ERBB4: variants seen among roughly 807,000 people sequenced by gnomAD.
ERBB4 encodes the protein erb-b2 receptor tyrosine kinase 4, also known as receptor tyrosine-protein kinase erbB-4.
A neutral mutation model predicts 158.0 loss-of-function variants in ERBB4; 42 were observed. The ratio of observed to expected loss-of-function variants is 0.27; its 90% CI spans 0.21 to 0.34. The LOEUF is 0.34. Ranked by LOEUF, ERBB4 falls within the 10% of genes least tolerant of loss-of-function variation. ERBB4 has a pLI of 1.00. For missense variants in ERBB4, 1,333 were observed against 1,624.1 expected (o/e 0.82, Z 3.08); for synonymous variants, 583 against 558.7 (o/e 1.04, Z -0.61).
In ERBB4 at chr2:211,423,982, G is replaced by T. The variant is rs141723041; in HGVS notation, c.2866+173C>A. Among the ~76,000 whole-genome samples the T allele has an allele frequency of 9.9e-5, 15 of 152,046 alleles. No individual in the cohort carries two copies. In the East Asian group the frequency reaches 2.9e-3, roughly 29 times the overall value. ...AATTTTGACTTCATAGCATGGAAGA[G>T]TATTACTTTATATTAATAATAGTCA... On this transcript the variant is annotated intron_variant, in intron 23 of 27. Transcript: ENST00000342788.
At chr2:212,250,894 T>C (rs1459272391) in intron 1 of ERBB4, among the ~76,000 whole-genome samples, 1 of 151,962 alleles carries the variant, frequency 6.6e-6, no homozygotes, top group African/African-American at 2.4e-5. Flanking sequence ...TAAATACTAC[T>C]AACACAGTTA....
intron 1 of ERBB4, among the ~76,000 whole-genome samples, chr2:212,248,641 G>A (rs1161873851): frequency 1.3e-5 from 2 of 152,116 alleles, no homozygotes; most frequent in East Asian, 1.9e-4. Context: ...CACGTTAAGA[G>A]AAAATTTAAG....
intron 18 of ERBB4, among the ~76,000 whole-genome samples, chr2:211,622,119 A>G (rs1187271860): frequency 6.6e-6 from 1 of 152,224 alleles, no homozygotes; most frequent in Non-Finnish European, 1.5e-5. Flanking sequence ...TTAGGACTCT[A>G]CATTTATTAT....
At chr2:212,017,271 G>A (rs1032861019) in intron 2 of ERBB4, among the ~76,000 whole-genome samples, 34 of 152,166 alleles carry the variant, frequency 2.2e-4, no homozygotes, top group African/African-American at 8.2e-4. Flanking sequence ...GTATAGAGAA[G>A]AGTAAAAAAG....
intron 1 of ERBB4, among the ~76,000 whole-genome samples, chr2:212,169,665 A>C (rs971853180): frequency 2.0e-5 from 3 of 152,148 alleles, no homozygotes; most frequent in Admixed American, 6.6e-5. Flanking sequence ...CTCAAATTGT[A>C]ATCTCCATAA....
chr2:211,959,625 A>G (rs767816066), intron 2 of ERBB4, among the ~76,000 whole-genome samples: 26 of 152,116 alleles, frequency 1.7e-4, no homozygotes, highest in Non-Finnish European at 3.4e-4. Flanking sequence ...TCCCCTCTAT[A>G]GGAATTTTAC....
chr2:211,571,711 C>T (rs1251398836), intron 19 of ERBB4, among the ~76,000 whole-genome samples: 1 of 152,066 alleles, frequency 6.6e-6, no homozygotes, highest in Non-Finnish European at 1.5e-5. Flanking sequence ...TGGTTTATCA[C>T]CAAATCCTTG....
At chr2:211,555,476 C>T (rs1438669847) in intron 20 of ERBB4, among the ~76,000 whole-genome samples, 3 of 152,302 alleles carry the variant, frequency 2.0e-5, no homozygotes, top group Middle Eastern at 3.4e-3. Context: ...TGAGCCACTA[C>T]GCCCAGCCTA....
At chr2:211,998,354 T>C (rs1272018163) in intron 2 of ERBB4, among the ~76,000 whole-genome samples, 3 of 151,880 alleles carry the variant, frequency 2.0e-5, no homozygotes, top group East Asian at 3.9e-4. Flanking sequence ...CTATTGAGTG[T>C]GATGTGTTAT....
Position 211,380,727 on chromosome 2 carries a change from T to C in ERBB4, c.*2888A>G, listed in dbSNP as rs2062560720. The C allele has an allele frequency of 4.3e-6, 1 of 231,954 alleles. No homozygotes were observed. Among genetic ancestry groups the C allele is most frequent in the African/African-American group, 2.2e-5 (1 of 45,296 alleles). The allele number at this position is 231,954 out of a possible 1,614,324, so 14.4% of individuals were successfully genotyped here. On this transcript the variant is annotated 3_prime_UTR_variant, in exon 28 of 28. Transcript: ENST00000342788. Reference sequence around the variant, plus strand: ...AAAGAATTATAAAGTGGTGCTATTATAAAGCATTTGGGTCATTTTGGATTA... The same window carrying C: ...AAAGAATTATAAAGTGGTGCTATTACAAAGCATTTGGGTCATTTTGGATTA...
At chr2:211,989,624 T>G (rs1575480398) in intron 2 of ERBB4, among the ~76,000 whole-genome samples, 2 of 151,956 alleles carry the variant, frequency 1.3e-5, no homozygotes, top group African/African-American at 4.8e-5. Flanking sequence ...ATTTCAAGTA[T>G]GCACTATTAG....
intron 4 of ERBB4, among the ~76,000 whole-genome samples, chr2:211,772,918 CACACACATATATAT>C (rs1235945769): frequency 1.3e-4 from 6 of 46,810 alleles, no homozygotes; most frequent in Admixed American, 2.1e-4. Context: ...TACACACACA[CACACACATATATAT>C]ATATATATAT....
At chr2:211,608,239 G>A (rs1344819572) in intron 19 of ERBB4, among the ~76,000 whole-genome samples, 1 of 152,076 alleles carries the variant, frequency 6.6e-6, no homozygotes, top group African/African-American at 2.4e-5. Flanking sequence ...GATTTCCATC[G>A]ATGCAGCGGG....
At chr2:211,767,817 T>C (rs2075590209) in intron 4 of ERBB4, among the ~76,000 whole-genome samples, 1 of 152,100 alleles carries the variant, frequency 6.6e-6, no homozygotes. Flanking sequence ...CAAGACGAGA[T>C]TTGGGTGAGG....
intron 19 of ERBB4, among the ~76,000 whole-genome samples, chr2:211,564,787 A>T (rs1421290784): frequency 6.6e-6 from 1 of 152,230 alleles, no homozygotes; most frequent in South Asian, 2.1e-4. Context: ...AAAGCTATAC[A>T]ACAAACGGAA....
At chr2:211,667,928 A>T (rs1418761937) in intron 14 of ERBB4, among the ~76,000 whole-genome samples, 1 of 152,138 alleles carries the variant, frequency 6.6e-6, no homozygotes, top group African/African-American at 2.4e-5. Flanking sequence ...GTGACACTTA[A>T]TGACCGGGAT....
chr2:211,709,274 T>TATATACACATATATATATATATATATAC (rs1553615210), intron 9 of ERBB4, among the ~76,000 whole-genome samples: 3 of 136,558 alleles, frequency 2.2e-5, no homozygotes, highest in African/African-American at 8.6e-5. Flanking sequence ...TATATATATA[T>TATATACACATATATATATATATATATAC]ACATACATAT....
intron 1 of ERBB4, among the ~76,000 whole-genome samples, chr2:212,171,204 G>C (rs2081506817): frequency 6.6e-6 from 1 of 152,074 alleles, no homozygotes; most frequent in Non-Finnish European, 1.5e-5. Context: ...TGACTGCCCT[G>C]CTGGATTTCA....
intron 2 of ERBB4, among the ~76,000 whole-genome samples, chr2:212,047,639 A>AT (rs377248079): frequency 0.022 from 2,947 of 135,554 alleles, 46 homozygotes; most frequent in African/African-American, 0.05. Context: ...CACTTGGCTA[A>AT]TTTTTTTTTT....
Sources: gnomAD v4.1 joint callset for allele counts (sites outside exome capture counted in the v4.1 genomes callset) on GRCh38, gnomAD v4.1.1 for gene constraint, MANE v1.5 for transcripts, NCBI Gene and HGNC (gene_info 2026-07-23, HGNC 2026-07-21) for gene names.